Variants in ADARB2 observed in about 807,000 individuals in gnomAD.
ADARB2 encodes inactive double-stranded RNA-specific editase B2.
In ADARB2, 25 loss-of-function variants were observed where a neutral mutation model predicts 62.2. That is an observed-to-expected ratio of 0.40 (90% confidence interval 0.29 to 0.56). The LOEUF (loss-of-function observed/expected upper bound fraction) is 0.56, where lower values mean the gene tolerates loss of function less well. Among genes scored for constraint, ADARB2 ranks in the 20% least tolerant of loss-of-function variants. The pLI, the probability that ADARB2 is intolerant of heterozygous loss-of-function variation, is 0.43. For missense variants in ADARB2, 1,071 were observed against 1,077.4 expected (o/e 0.99, Z 0.08); for synonymous variants, 572 against 500.8 (o/e 1.14, Z -1.90).
chr10:1,252,791 A>G (rs995780384), intron 4 of ADARB2, among the ~76,000 whole-genome samples: 1 of 152,106 alleles, frequency 6.6e-6, no homozygotes, highest in Non-Finnish European at 1.5e-5. Flanking sequence ...GATTGGACTG[A>G]GACTGAAAGG....
At chr10:1,311,498 G>T (rs1318409878) in intron 3 of ADARB2, among the ~76,000 whole-genome samples, 1 of 152,096 alleles carries the variant, frequency 6.6e-6, no homozygotes, top group Admixed American at 6.5e-5. Flanking sequence ...ACCTGACGTT[G>T]TTGTTTAATA....
chr10:1,718,766 G>A (rs1667019717), intron 1 of ADARB2, among the ~76,000 whole-genome samples: 1 of 151,694 alleles, frequency 6.6e-6, no homozygotes, highest in Non-Finnish European at 1.5e-5. Context: ...CCTCCCAGGA[G>A]GGGGCTCCAG....
At chr10:1,219,791 GATA>G (rs1018411036) in intron 6 of ADARB2, among the ~76,000 whole-genome samples, 7 of 151,456 alleles carry the variant, frequency 4.6e-5, no homozygotes, top group African/African-American at 9.7e-5. Context: ...TGATGGTGAA[GATA>G]ATGATGGCAA....
At chr10:1,256,041 C>T (rs1831076718) in intron 4 of ADARB2, among the ~76,000 whole-genome samples, 1 of 152,178 alleles carries the variant, frequency 6.6e-6, no homozygotes, top group Admixed American at 6.5e-5. Context: ...TTTGCTGCTG[C>T]ACAGACCTCT....
At chr10:1,599,151 C>T (rs1455214375) in intron 1 of ADARB2, among the ~76,000 whole-genome samples, 3 of 152,218 alleles carry the variant, frequency 2.0e-5, no homozygotes, top group African/African-American at 7.2e-5. Flanking sequence ...ATTCCAGCTT[C>T]CCAGTTTATG....
intron 3 of ADARB2, among the ~76,000 whole-genome samples, chr10:1,356,868 C>T (rs1197546379): frequency 6.6e-6 from 1 of 152,162 alleles, no homozygotes; most frequent in African/African-American, 2.4e-5. Context: ...TATTGAAAAC[C>T]ATTAGGAAGG....
chr10:1,343,526 A>G (rs967075048), intron 3 of ADARB2, among the ~76,000 whole-genome samples: 15 of 152,250 alleles, frequency 9.9e-5, no homozygotes, highest in African/African-American at 2.9e-4. Context: ...TACTGGGTAT[A>G]TACCCAAAGG....
intron 1 of ADARB2, among the ~76,000 whole-genome samples, chr10:1,452,851 A>G (rs77324259): frequency 0.097 from 14,784 of 152,282 alleles, 775 homozygotes; most frequent in South Asian, 0.23. Flanking sequence ...GAGCTTATGC[A>G]GCTAATAAAT....
chr10:1,511,445 G>A (rs920721890), intron 1 of ADARB2, among the ~76,000 whole-genome samples: 14 of 152,132 alleles, frequency 9.2e-5, no homozygotes, highest in African/African-American at 3.1e-4. Flanking sequence ...GGGGAGAGAA[G>A]TTACATGGAG....
intron 6 of ADARB2, among the ~76,000 whole-genome samples, chr10:1,223,225 A>G (rs1188999756): frequency 4.6e-5 from 7 of 152,054 alleles, no homozygotes; most frequent in South Asian, 2.1e-4. Flanking sequence ...TTTGTCTGTT[A>G]TTGGTGTATA....
At chr10:1,235,122 C>G (rs1457525788) in intron 5 of ADARB2, among the ~76,000 whole-genome samples, 1 of 151,604 alleles carries the variant, frequency 6.6e-6, no homozygotes, top group Non-Finnish European at 1.5e-5. Flanking sequence ...ACCTGTGATT[C>G]TGTGGATTTG....
At chr10:1,584,201 A>T (rs896011519) in intron 1 of ADARB2, among the ~76,000 whole-genome samples, 3 of 152,206 alleles carry the variant, frequency 2.0e-5, no homozygotes, top group Admixed American at 1.3e-4. Flanking sequence ...AATGCATACC[A>T]TAGATTAGGA....
At chr10:1,697,058 G>A (rs1170328541) in intron 1 of ADARB2, among the ~76,000 whole-genome samples, 4 of 152,010 alleles carry the variant, frequency 2.6e-5, no homozygotes, top group African/African-American at 9.7e-5. Flanking sequence ...TGTGGCCCAG[G>A]GAAGCCAAAA....
chr10:1,366,065 A>G (rs974772179), intron 2 of ADARB2, among the ~76,000 whole-genome samples: 17 of 152,218 alleles, frequency 1.1e-4, no homozygotes, highest in Admixed American at 7.9e-4. Flanking sequence ...TATATTCTTC[A>G]TGCAGCCATG....
intron 1 of ADARB2, among the ~76,000 whole-genome samples, chr10:1,625,047 T>G (rs1295082878): frequency 6.6e-6 from 1 of 152,242 alleles, no homozygotes; most frequent in Non-Finnish European, 1.5e-5. Context: ...TAAAGATTTT[T>G]CTTTTAACTG....
intron 3 of ADARB2, among the ~76,000 whole-genome samples, chr10:1,287,352 G>A (rs1338137486): frequency 1.3e-5 from 2 of 152,204 alleles, no homozygotes; most frequent in East Asian, 3.8e-4. Flanking sequence ...ATATCAGGCT[G>A]ACATAGCCAC....
At chr10:1,651,251 C>A (rs1426838945) in intron 1 of ADARB2, among the ~76,000 whole-genome samples, 1 of 152,244 alleles carries the variant, frequency 6.6e-6, no homozygotes, top group Admixed American at 6.5e-5. Context: ...TTAGGAACCA[C>A]CCTGTGCTTA....
chr10:1,297,301 C>G (rs554192630), intron 3 of ADARB2, among the ~76,000 whole-genome samples: 1 of 152,190 alleles, frequency 6.6e-6, no homozygotes, highest in South Asian at 2.1e-4. Context: ...GTTATGGACC[C>G]GCAGGTGTTA....
At chr10:1,606,320 G>A (rs3892902) in intron 1 of ADARB2, among the ~76,000 whole-genome samples, 34,075 of 151,804 alleles carry the variant, frequency 0.22, 3,822 homozygotes, top group South Asian at 0.28. Flanking sequence ...AAACCTGAGC[G>A]GGGGGGAGCA....
Sources: allele counts gnomAD v4.1 joint callset (sites outside exome capture counted in the v4.1 genomes callset), GRCh38; gene constraint gnomAD v4.1.1; transcripts MANE v1.5; gene names NCBI Gene and HGNC (gene_info 2026-07-23, HGNC 2026-07-21).